The following ACOT1 variants were observed in gnomAD, a reference collection of about 807,000 sequenced individuals.
ACOT1 encodes the protein acyl-CoA thioesterase 1.
ACOT1 carries 8 observed loss-of-function variants against 15.7 expected under a neutral mutation model. The observed-to-expected ratio is 0.51, with a 90% confidence interval of 0.30 to 0.92. The LOEUF (loss-of-function observed/expected upper bound fraction) is 0.92. Among genes scored for constraint, ACOT1 ranks in the 40% least tolerant of loss-of-function variants. The pLI, the probability that ACOT1 is intolerant of heterozygous loss-of-function variation, is 0.06. For missense variants in ACOT1, 151 were observed against 539.4 expected, an observed-to-expected ratio of 0.28 and a Z score of 7.13; for synonymous variants, 67 against 241.2, an observed-to-expected ratio of 0.28 and a Z score of 6.69.
intron 1 of ACOT1, among the ~76,000 whole-genome samples, chr14:73,540,347 A>T (rs1889034854): frequency 6.9e-6 from 1 of 145,360 alleles, no homozygotes; most frequent in Non-Finnish European, 1.5e-5. Flanking sequence ...AATAGAACAG[A>T]TTAATAAATT....
At chr14:73,505,543 C>A in the ACOT1 span, among the ~76,000 whole-genome samples, 1 of 151,988 alleles carries the variant, frequency 6.6e-6, no homozygotes, top group Non-Finnish European at 1.5e-5. Flanking sequence ...ATTACAGGTG[C>A]CAGCCACCAC....
chr14:73,506,809 T>TTTTTTTTTTGTTTTTG, the ACOT1 span, among the ~76,000 whole-genome samples: 3 of 112,608 alleles, frequency 2.7e-5, no homozygotes, highest in Admixed American at 2.5e-4. Flanking sequence ...TAACTGTTTT[T>TTTTTTTTTTGTTTTTG]TTTTTTTTTT....
chr14:73,511,865 T>G, the ACOT1 span: 1 of 874,858 alleles, frequency 1.1e-6, no homozygotes, highest in Non-Finnish European at 1.8e-6. Context: ...CTGATAAGCA[T>G]GTATATATAG....
At chr14:73,512,263 TAGCTC>T in the ACOT1 span, 1 of 1,191,026 alleles carries the variant, frequency 8.4e-7, no homozygotes, top group Non-Finnish European at 1.2e-6. Context: ...AGCAAAACAT[TAGCTC>T]AGAAGAATAA....
At chr14:73,491,179 G>A in the ACOT1 span, 1 of 1,598,670 alleles carries the variant, frequency 6.3e-7, no homozygotes, top group South Asian at 1.1e-5. Flanking sequence ...CAGCGCTGAG[G>A]ACGCAGACGC....
the ACOT1 span, chr14:73,492,232 C>T: frequency 6.2e-7 from 1 of 1,613,922 alleles, no homozygotes; most frequent in East Asian, 2.2e-5. This position sits in a 1 kb window ranked among gnomAD's most constrained non-coding sequence, Gnocchi z 4.9. Flanking sequence ...GCTTCATTCA[C>T]CAAGCTGAAT....
chr14:73,534,342 G>A (rs1433412163), upstream of ACOT1, among the ~76,000 whole-genome samples: 1 of 108,586 alleles, frequency 9.2e-6, no homozygotes, highest in Non-Finnish European at 2.0e-5. Flanking sequence ...TCAGACCACT[G>A]CACTCCAGCC....
chr14:73,520,923 C>G, the ACOT1 span: 1 of 1,613,930 alleles, frequency 6.2e-7, no homozygotes, highest in Non-Finnish European at 8.5e-7. Flanking sequence ...AGTCACCTGG[C>G]GAAAGTAGCT....
At chr14:73,529,554 G>A in the ACOT1 span, among the ~76,000 whole-genome samples, 1,918 of 151,988 alleles carry the variant, frequency 0.013, 49 homozygotes, top group African/African-American at 0.044. Context: ...AAATGTAGGA[G>A]TTGGACTAAA....
At chr14:73,522,388 G>A in the ACOT1 span, 1 of 1,614,232 alleles carries the variant, frequency 6.2e-7, no homozygotes, top group Non-Finnish European at 8.5e-7. Context: ...GGAGCTCCAG[G>A]TCACTGGCAG....
the ACOT1 span, chr14:73,514,379 T>A: frequency 1.5e-6 from 1 of 680,348 alleles, no homozygotes; most frequent in Non-Finnish European, 2.5e-6. Flanking sequence ...CATGATTATA[T>A]GGGGAACTGA....
the ACOT1 span, among the ~76,000 whole-genome samples, chr14:73,518,061 G>C: frequency 6.6e-6 from 1 of 152,170 alleles, no homozygotes; most frequent in African/African-American, 2.4e-5. Flanking sequence ...ACTCCAGCCT[G>C]GGCGACAGAG....
intron 2 of ACOT1, 68 bp from the exon 3 acceptor site, chr14:73,542,982 G>A (rs1279301913): frequency 4.9e-6 from 6 of 1,226,284 alleles, no homozygotes; most frequent in Non-Finnish European, 6.5e-6. Context: ...TTCCAGGGTG[G>A]GCACAACTCA....
chr14:73,492,587 T>C, the ACOT1 span: 1 of 1,613,938 alleles, frequency 6.2e-7, no homozygotes, highest in African/African-American at 1.3e-5. This position sits in a 1 kb window ranked among gnomAD's most constrained non-coding sequence, Gnocchi z 4.9. Flanking sequence ...ACTAAGTGTT[T>C]ACGGGCTTCC....
chr14:73,495,378 G>A, the ACOT1 span: 1 of 1,613,208 alleles, frequency 6.2e-7, no homozygotes, highest in Non-Finnish European at 8.5e-7. Flanking sequence ...TTTTGGCTTA[G>A]TGTTTTAATC....
At chr14:73,503,055 T>C in the ACOT1 span, 66 of 1,430,934 alleles carry the variant, frequency 4.6e-5, no homozygotes, top group East Asian at 1.5e-3. Context: ...ACTTAATGAA[T>C]GTTAATTTTG....
chr14:73,516,391 G>A, the ACOT1 span, among the ~76,000 whole-genome samples: 10 of 106,692 alleles, frequency 9.4e-5, no homozygotes, highest in Admixed American at 2.0e-4. Context: ...TCTCTCAGGC[G>A]ATTTGAAATC....
At chr14:73,491,994 A>C in the ACOT1 span, 10 of 1,613,774 alleles carry the variant, frequency 6.2e-6, no homozygotes, top group Non-Finnish European at 7.6e-6. Context: ...GCAGGCTCCA[A>C]CGTTTACCTC....
the ACOT1 span, chr14:73,492,896 TATG>T: frequency 6.2e-7 from 1 of 1,613,858 alleles, no homozygotes; most frequent in Non-Finnish European, 8.5e-7. The surrounding 1 kb of genome is among the most constrained non-coding windows in gnomAD (Gnocchi z 4.9). Flanking sequence ...AACCACGTTG[TATG>T]ATAAGGGGCT....
Sources: allele counts gnomAD v4.1 joint callset (sites outside exome capture counted in the v4.1 genomes callset), GRCh38; gene constraint gnomAD v4.1.1; non-coding constraint Gnocchi (gnomAD v3.1); transcripts MANE v1.5; gene names NCBI Gene and HGNC (gene_info 2026-07-23, HGNC 2026-07-21).